The following ACER3 variants were observed in gnomAD, a reference collection of about 807,000 sequenced individuals.
ACER3 encodes alkCDase 3.
In ACER3, 16 loss-of-function variants were observed where a neutral mutation model predicts 48.9. That is an observed-to-expected ratio of 0.33 (90% CI 0.22 to 0.50). The LOEUF (loss-of-function observed/expected upper bound fraction) is 0.50, where lower values mean the gene tolerates loss of function less well. Ranked by LOEUF, ACER3 falls within the 20% of genes least tolerant of loss-of-function variation. The pLI is 0.98. For synonymous variants in ACER3, 109 were observed against 107.8 expected (o/e 1.01, Z -0.07); for missense variants, 227 against 326.0 (o/e 0.70, Z 2.34).
chr11:76,926,536 T>A (rs779356762), intron 1 of ACER3, 21 bp from the exon 2 acceptor site: 1 of 1,455,832 alleles, frequency 6.9e-7, no homozygotes, highest in South Asian at 1.2e-5. Flanking sequence ...CTAAATGTCT[T>A]CTTATATTTT....
At chr11:76,900,531 C>A (rs1946052475) in intron 1 of ACER3, among the ~76,000 whole-genome samples, 1 of 152,100 alleles carries the variant, frequency 6.6e-6, no homozygotes. Context: ...ATAATAGGAA[C>A]CCTTCTGGCC....
intron 1 of ACER3, among the ~76,000 whole-genome samples, chr11:76,897,829 G>C (rs1945973566): frequency 6.6e-6 from 1 of 152,096 alleles, no homozygotes; most frequent in Admixed American, 6.5e-5. Context: ...TGTGGTTGAT[G>C]AAAAAAGCGG....
At chr11:77,019,838 G>A in intron 10 of ACER3, 62 bp downstream of exon 10, 1 of 1,544,982 alleles carries the variant, frequency 6.5e-7, no homozygotes, top group Non-Finnish European at 8.9e-7. Context: ...GTATAGGATG[G>A]AGGTGGAAGA....
rs776323067 is a variant in ACER3 at position 76,976,310 on chromosome 11, A to T, written c.289A>T (p.Ile97Leu). ...ACAGCTATTGGATGAACTCCCAATG[A>T]TATACAGCTGTTGCATATTTGTGTA... ...EMQLLDELPM[I>L]YSCCIFVYCM... The change falls in exon 4 of 11, where the codon ATA (isoleucine) becomes TTA (leucine). Residue 97 changes from isoleucine (I) to leucine (L), a missense_variant. Physicochemically the swap from Ile to Leu is conservative, Grantham distance 5. Transcript: ENST00000532485. 4 of 1,606,516 alleles carry T rather than the reference A, an allele frequency of 2.5e-6. No individual in the cohort carries two copies. Among genetic ancestry groups the T allele is most frequent in the Non-Finnish European group, 3.4e-6 (4 of 1,175,690 alleles).
chr11:76,869,415 TA>T (rs1338345198), intron 1 of ACER3, among the ~76,000 whole-genome samples: 1 of 152,268 alleles, frequency 6.6e-6, no homozygotes, highest in Non-Finnish European at 1.5e-5. Context: ...GATAGGTTCA[TA>T]AAGGTTTTAT....
intron 2 of ACER3, 106 bp downstream of exon 2, chr11:76,926,773 A>G: frequency 1.5e-6 from 1 of 688,240 alleles, no homozygotes; most frequent in Non-Finnish European, 2.4e-6. Context: ...CATAACTTGA[A>G]TATATTCTGA....
At chr11:76,902,488 T>G (rs1473932748) in intron 1 of ACER3, among the ~76,000 whole-genome samples, 1 of 152,210 alleles carries the variant, frequency 6.6e-6, no homozygotes. Flanking sequence ...TTTTTTACAA[T>G]GGTCTTTACA....
chr11:76,882,257 A>AG (rs1945548025), intron 1 of ACER3, among the ~76,000 whole-genome samples: 5 of 74,212 alleles, frequency 6.7e-5, no homozygotes, highest in Admixed American at 4.9e-4. Flanking sequence ...TGCCCGCGTC[A>AG]ACTGCCAAAG....
At chr11:76,999,458 C>T (rs1591051546) in intron 7 of ACER3, among the ~76,000 whole-genome samples, 2 of 151,498 alleles carry the variant, frequency 1.3e-5, no homozygotes, top group East Asian at 3.9e-4. Context: ...ATAATAGATC[C>T]CAGTATCCTT....
At chr11:77,010,163 AAATAATAATAAT>A (rs59504202) in intron 7 of ACER3, among the ~76,000 whole-genome samples, 58,899 of 146,336 alleles carry the variant, frequency 0.4, 14,340 homozygotes, top group Non-Finnish European at 0.55. Flanking sequence ...TCTCTACCAG[AAATAATAATAAT>A]AATAATAATA....
chr11:76,906,647 A>G (rs1946240272), intron 1 of ACER3, among the ~76,000 whole-genome samples: 1 of 152,190 alleles, frequency 6.6e-6, no homozygotes, highest in African/African-American at 2.4e-5. Flanking sequence ...GGTGTCAGTG[A>G]GCTGGTTTTG....
intron 1 of ACER3, among the ~76,000 whole-genome samples, chr11:76,875,078 C>T (rs1945335080): frequency 7.1e-6 from 1 of 140,266 alleles, no homozygotes; most frequent in Admixed American, 7.2e-5. Flanking sequence ...GCATAAAGAC[C>T]AAATTCTAAC....
intron 1 of ACER3, among the ~76,000 whole-genome samples, chr11:76,883,516 C>T (rs755221486): frequency 1.4e-5 from 2 of 142,162 alleles, no homozygotes; most frequent in Non-Finnish European, 3.0e-5. Flanking sequence ...TCTCAGCTCA[C>T]TGCAACCTCC....
intron 1 of ACER3, among the ~76,000 whole-genome samples, chr11:76,910,901 C>T (rs1335988972): frequency 2.6e-5 from 4 of 152,022 alleles, no homozygotes; most frequent in African/African-American, 9.7e-5. Context: ...ATGCTGCCAT[C>T]GAAATTGTAT....
chr11:76,864,788 C>T (rs565869000), intron 1 of ACER3, among the ~76,000 whole-genome samples: 42 of 151,166 alleles, frequency 2.8e-4, no homozygotes, highest in Non-Finnish European at 5.3e-4. Flanking sequence ...TTAGTGGAGA[C>T]GGGGTTTCAC....
chr11:76,916,257 A>C (rs1280728325), intron 1 of ACER3, among the ~76,000 whole-genome samples: 1 of 152,214 alleles, frequency 6.6e-6, no homozygotes, highest in African/African-American at 2.4e-5. Flanking sequence ...CATCTGAAAT[A>C]ATATCTATTA....
chr11:76,972,185 T>C (rs1948323837), intron 3 of ACER3, among the ~76,000 whole-genome samples: 1 of 152,226 alleles, frequency 6.6e-6, no homozygotes, highest in African/African-American at 2.4e-5. Context: ...ACTGCCAGGC[T>C]GTTTTTGAAA....
chr11:76,910,498 G>A lies in ACER3; in HGVS notation c.104-16059G>A, dbSNP rs184188510. On this transcript the variant is annotated intron_variant, in intron 1 of 10. Transcript: ENST00000532485. Reference sequence around the variant, plus strand: ...AAAAGAGAACTAACATTTATTCCTTGCTTACTCAATTCACTTTTGCAATAT... The same window carrying A: ...AAAAGAGAACTAACATTTATTCCTTACTTACTCAATTCACTTTTGCAATAT... Among the ~76,000 whole-genome samples the A allele has an allele frequency of 3.3e-3, 507 of 152,070 alleles. 3 individuals carry two copies. Among genetic ancestry groups the A allele is most frequent in the Admixed American group, 7.7e-3 (118 of 15,264 alleles).
chr11:76,985,582 A>C, intron 4 of ACER3, 61 bp from the exon 5 acceptor site: 2 of 994,920 alleles, frequency 2.0e-6, no homozygotes, highest in Non-Finnish European at 2.9e-6. Flanking sequence ...GTAAAGCAGC[A>C]TTCTATTTAT....
Sources: allele counts gnomAD v4.1 joint callset (sites outside exome capture counted in the v4.1 genomes callset), GRCh38; gene constraint gnomAD v4.1.1; transcripts MANE v1.5; gene names NCBI Gene and HGNC (gene_info 2026-07-23, HGNC 2026-07-21).